The following GRTP1 variants were observed in gnomAD, a reference collection of about 807,000 sequenced individuals.
GRTP1 encodes growth hormone regulated TBC protein 1.
In GRTP1, 56 loss-of-function variants were observed where a neutral mutation model predicts 38.1. That is an observed-to-expected ratio of 1.47 (90% CI 1.19 to 1.84). The LOEUF is 1.84. GRTP1 is among the 40% of genes most tolerant of loss of function. GRTP1 has a pLI of 0.00. For synonymous variants in GRTP1, 217 were observed against 189.5 expected, an observed-to-expected ratio of 1.14 and a Z score of -1.19; for missense variants, 506 against 453.9, an observed-to-expected ratio of 1.11 and a Z score of -1.04.
At chr13:113,334,384 T>A (rs1356335395) in intron 5 of GRTP1, among the ~76,000 whole-genome samples, 1 of 149,196 alleles carries the variant, frequency 6.7e-6, no homozygotes, top group Non-Finnish European at 1.5e-5. Context: ...GCTGCAAAGA[T>A]AAAGGAATCG....
intron 4 of GRTP1, 85 bp downstream of exon 4, chr13:113,350,763 CG>C: frequency 7.9e-7 from 1 of 1,261,106 alleles, no homozygotes; most frequent in South Asian, 1.6e-5. Flanking sequence ...TTGACAGAGA[CG>C]TGAGGCCGTC....
chr13:113,335,766 C>T (rs542902292), intron 5 of GRTP1, among the ~76,000 whole-genome samples: 1 of 134,864 alleles, frequency 7.4e-6, no homozygotes, highest in African/African-American at 2.8e-5. Flanking sequence ...TCCTCTGGTT[C>T]CCTCCATGCT....
chr13:113,358,427 T>C (rs1364677490), intron 2 of GRTP1, among the ~76,000 whole-genome samples: 2 of 152,184 alleles, frequency 1.3e-5, no homozygotes, highest in Non-Finnish European at 2.9e-5. Flanking sequence ...TATATGCACC[T>C]CTTTATCACT....
intron 3 of GRTP1, among the ~76,000 whole-genome samples, chr13:113,353,782 A>G (rs2043329526): frequency 6.6e-6 from 1 of 152,218 alleles, no homozygotes; most frequent in Admixed American, 6.5e-5. Flanking sequence ...AATTTAAAAA[A>G]CAATTCAGCC....
chr13:113,330,503 C>T (rs1472277695), intron 5 of GRTP1, among the ~76,000 whole-genome samples: 36 of 126,672 alleles, frequency 2.8e-4, no homozygotes, highest in South Asian at 2.7e-4. Flanking sequence ...CAGGTGTGTG[C>T]ATGGGAGCCC....
At chr13:113,351,389 G>C (rs1435271743) in intron 3 of GRTP1, among the ~76,000 whole-genome samples, 1 of 152,242 alleles carries the variant, frequency 6.6e-6, no homozygotes, top group African/African-American at 2.4e-5. Flanking sequence ...ACTTTGAGGT[G>C]TTTTCCTAAT....
At chr13:113,340,301 A>C (rs1442029339) in intron 5 of GRTP1, among the ~76,000 whole-genome samples, 1 of 150,954 alleles carries the variant, frequency 6.6e-6, no homozygotes, top group African/African-American at 2.4e-5. Context: ...CATAGCAAGA[A>C]CCTGTCTCTA....
At chr13:113,331,048 G>T (rs1595476956) in intron 5 of GRTP1, among the ~76,000 whole-genome samples, 1 of 146,320 alleles carries the variant, frequency 6.8e-6, no homozygotes, top group East Asian at 2.1e-4. Context: ...GTGCATGGGA[G>T]CCCAGGTGCG....
chr13:113,337,456 AT>A (rs2042968948), intron 5 of GRTP1, among the ~76,000 whole-genome samples: 1 of 152,262 alleles, frequency 6.6e-6, no homozygotes, highest in African/African-American at 2.4e-5. Flanking sequence ...TTTATCTGCT[AT>A]AACTAGGAGA....
chr13:113,351,277 C>A (rs895064274), intron 3 of GRTP1, among the ~76,000 whole-genome samples: 2 of 152,232 alleles, frequency 1.3e-5, no homozygotes, highest in Non-Finnish European at 2.9e-5. Flanking sequence ...CCGTCTCCTC[C>A]CGGCCCCCAG....
chr13:113,340,242 AAGGCAGG>A (rs1259301487), intron 5 of GRTP1, among the ~76,000 whole-genome samples: 1 of 152,144 alleles, frequency 6.6e-6, no homozygotes, highest in African/African-American at 2.4e-5. Flanking sequence ...TTGTGAGGCC[AAGGCAGG>A]AGGACTACTT....
At chr13:113,338,721 G>A (rs2042988096) in intron 5 of GRTP1, among the ~76,000 whole-genome samples, 1 of 152,194 alleles carries the variant, frequency 6.6e-6, no homozygotes. Context: ...TCACGGGCCT[G>A]GAGGCCTCGG....
chr13:113,341,920 C>A (rs1485146332), intron 5 of GRTP1, among the ~76,000 whole-genome samples: 1 of 151,950 alleles, frequency 6.6e-6, no homozygotes, highest in East Asian at 1.9e-4. Flanking sequence ...CTCCCAGATG[C>A]TGGGATTATA....
chr13:113,324,584 G>T lies in GRTP1; in HGVS notation c.922-7C>A. 1 of 1,599,000 alleles carries T rather than the reference G, an allele frequency of 6.3e-7. No individual in the cohort carries two copies. Among genetic ancestry groups the T allele is most frequent in the Middle Eastern group, 1.7e-4 (1 of 6,036 alleles). ...CAGGTTCTGAAAATATTTTCTGGAA[G>T]GCAAACAGTTAGTTTAAAAACAAAC... On this transcript the variant is annotated splice_region_variant and splice_polypyrimidine_tract_variant and intron_variant, in intron 7 of 7. Transcript: ENST00000375431.
At chr13:113,341,183 G>A (rs1470420021) in intron 5 of GRTP1, among the ~76,000 whole-genome samples, 2 of 151,932 alleles carry the variant, frequency 1.3e-5, no homozygotes, top group Non-Finnish European at 2.9e-5. Context: ...CTTGAAATGG[G>A]GGAACTGTGG....
chr13:113,350,411 A>AC (rs1033134875), intron 4 of GRTP1, among the ~76,000 whole-genome samples: 5 of 149,512 alleles, frequency 3.3e-5, no homozygotes, highest in African/African-American at 1.2e-4. Flanking sequence ...CAGCACATGC[A>AC]CCCCATAGCA....
chr13:113,351,483 A>T (rs1310867195), intron 3 of GRTP1, among the ~76,000 whole-genome samples: 1 of 152,198 alleles, frequency 6.6e-6, no homozygotes, highest in Non-Finnish European at 1.5e-5. Context: ...AGAGCTGAGA[A>T]CTGAATAAAC....
At chr13:113,345,665 C>A (rs550604436) in intron 4 of GRTP1, among the ~76,000 whole-genome samples, 1 of 152,348 alleles carries the variant, frequency 6.6e-6, no homozygotes, top group East Asian at 1.9e-4. Flanking sequence ...TTCACGTGAT[C>A]GGAAGTGCGG....
chr13:113,362,186 C>T (rs551406748), intron 2 of GRTP1, among the ~76,000 whole-genome samples: 2 of 139,380 alleles, frequency 1.4e-5, no homozygotes, highest in South Asian at 4.8e-4. Context: ...ATAAATTAGC[C>T]AGGTGTAGTG....
Sources: gnomAD v4.1 joint callset for allele counts (sites outside exome capture counted in the v4.1 genomes callset) on GRCh38, gnomAD v4.1.1 for gene constraint, MANE v1.5 for transcripts, NCBI Gene and HGNC (gene_info 2026-07-23, HGNC 2026-07-21) for gene names.